The following KCTD5 variants were observed in gnomAD, a reference collection of about 807,000 sequenced individuals.
The protein encoded by KCTD5 is BTB/POZ domain-containing protein KCTD5.
KCTD5 carries 12 observed loss-of-function variants against 27.9 expected under a neutral mutation model. That is an observed-to-expected ratio of 0.43 (90% confidence interval 0.28 to 0.70). The LOEUF is 0.70. Ranked by LOEUF, KCTD5 falls within the 30% of genes least tolerant of loss-of-function variation. The pLI is 0.19. For missense variants in KCTD5, 226 were observed against 274.8 expected, an observed-to-expected ratio of 0.82 and a Z score of 1.26; for synonymous variants, 147 against 121.4, an observed-to-expected ratio of 1.21 and a Z score of -1.39.
intron 1 of KCTD5, among the ~76,000 whole-genome samples, chr16:2,688,035 C>T (rs1341238079): frequency 1.3e-5 from 2 of 151,716 alleles, no homozygotes; most frequent in East Asian, 3.9e-4. Flanking sequence ...GGGGTGATTT[C>T]GTGCCCCTGT....
At chr16:2,704,656 G>A (rs533193109) in intron 5 of KCTD5, among the ~76,000 whole-genome samples, 1 of 152,344 alleles carries the variant, frequency 6.6e-6, no homozygotes, top group South Asian at 2.1e-4. Flanking sequence ...CGGCTGAGGA[G>A]GGGGTTCCTT....
chr16:2,698,766 C>G (rs1253646812), intron 3 of KCTD5, among the ~76,000 whole-genome samples: 1 of 152,230 alleles, frequency 6.6e-6, no homozygotes, highest in African/African-American at 2.4e-5. Flanking sequence ...TTGCCCAGTT[C>G]CCCCTCCTGC....
chr16:2,685,273 A>G (rs1476600367), intron 1 of KCTD5, among the ~76,000 whole-genome samples: 1 of 151,100 alleles, frequency 6.6e-6, no homozygotes, highest in Non-Finnish European at 1.5e-5. Flanking sequence ...TAAAAATACA[A>G]AAAAATTAGC....
chr16:2,705,315 C>A (rs780475754), intron 5 of KCTD5, among the ~76,000 whole-genome samples: 1 of 152,170 alleles, frequency 6.6e-6, no homozygotes, highest in Non-Finnish European at 1.5e-5. Flanking sequence ...AGCTGTAGAT[C>A]CTCAGTAGCA....
chr16:2,687,403 G>C (rs770098354), intron 1 of KCTD5, among the ~76,000 whole-genome samples: 1 of 152,208 alleles, frequency 6.6e-6, no homozygotes, highest in Admixed American at 6.5e-5. Context: ...GTCGCTGCAG[G>C]GCAGTTCCTC....
In KCTD5 at chr16:2,706,717, A is replaced by G. The variant is rs542801365; in HGVS notation, c.676-581A>G. ...GTGGGCTCTGCAGGGCTGACGTGGT[A>G]CAGATGAGGAGGGGATCCCCGCAGC... On this transcript the variant is annotated intron_variant, in intron 5 of 5. Transcript: ENST00000301738. 7.9e-5 allele frequency among the ~76,000 whole-genome samples: 12 copies of G among 151,740 alleles called. 1 individual carries two copies. The South Asian group carries it at 2.3e-3, about 29-fold the overall frequency.
At chr16:2,693,038 C>T (rs1288993833) in intron 1 of KCTD5, among the ~76,000 whole-genome samples, 1 of 152,244 alleles carries the variant, frequency 6.6e-6, no homozygotes, top group Non-Finnish European at 1.5e-5. Context: ...CAGCCCCACG[C>T]AGATCCTCCT....
intron 5 of KCTD5, among the ~76,000 whole-genome samples, chr16:2,706,674 G>A (rs1308712975): frequency 6.6e-6 from 1 of 151,006 alleles, no homozygotes; most frequent in Admixed American, 6.6e-5. Flanking sequence ...GGTGGGGAGG[G>A]CAGGGGGCCG....
At chr16:2,702,230 G>A in intron 4 of KCTD5, 123 bp from the exon 5 acceptor site, 1 of 1,247,554 alleles carries the variant, frequency 8.0e-7, no homozygotes, top group African/African-American at 1.5e-5. Flanking sequence ...TCCATTTCCT[G>A]AAGCGTCGGC....
chr16:2,688,368 A>G (rs1181993566), intron 1 of KCTD5, among the ~76,000 whole-genome samples: 2 of 150,682 alleles, frequency 1.3e-5, no homozygotes, highest in Non-Finnish European at 3.0e-5. Context: ...CTCCTGCCCC[A>G]CCCTCCCAAG....
chr16:2,701,155 G>C (rs773659369), intron 4 of KCTD5, among the ~76,000 whole-genome samples: 8 of 152,228 alleles, frequency 5.3e-5, no homozygotes, highest in Non-Finnish European at 1.0e-4. Context: ...TCCTGCCCGT[G>C]GTGGGCACCT....
chr16:2,707,828 C>T lies in KCTD5; in HGVS notation c.*501C>T. On this transcript the variant is annotated 3_prime_UTR_variant, in exon 6 of 6. Transcript: ENST00000301738. ...GGCGGGATCGCTGGTTTCTCTCGAC[C>T]TCGCAGAGCTCCTGACAAAGGCGGC... is the stretch of plus-strand genomic sequence containing the variant. 1 of 220,192 alleles carries T rather than the reference C, an allele frequency of 4.5e-6. No homozygotes were observed. The highest frequency in any genetic ancestry group is 8.9e-6 in the Non-Finnish European group (1 of 112,320). The allele number at this position is 220,192 out of a possible 1,614,324, so 13.6% of individuals were successfully genotyped here.
chr16:2,692,653 C>A (rs980095021), intron 1 of KCTD5, among the ~76,000 whole-genome samples: 14 of 152,240 alleles, frequency 9.2e-5, no homozygotes, highest in South Asian at 2.1e-4. Context: ...CACTTTGGTC[C>A]CCGGGACTGG....
Position 2,682,713 on chromosome 16 carries a change from C to T in KCTD5, c.165C>T (p.Phe55=), listed in dbSNP as rs1471848068. The change falls in exon 1 of 6, where the codon TTC becomes TTT. Residue 55 remains phenylalanine (F), a synonymous_variant. Coordinates refer to ENST00000301738, the MANE Select transcript of KCTD5 (RefSeq NM_018992.4). The stretch of plus-strand genomic sequence containing the variant: ...GACTCAACGTCGGCGGCACCTACTT[C>T]CTCACCACTCGGCAGACCCTGTGCC... ...WVRLNVGGTY[F]LTTRQTLCRD... The T allele has an allele frequency of 1.9e-6, 3 of 1,610,460 alleles. No homozygotes were observed. The highest frequency in any genetic ancestry group is 2.2e-5 in the South Asian group (2 of 90,570).
intron 3 of KCTD5, chr16:2,699,384 C>T (rs1013069967): frequency 4.4e-5 from 16 of 359,916 alleles, no homozygotes; most frequent in African/African-American, 1.1e-4. Context: ...TCCAGGCTGC[C>T]GCGCAAGTTC....
At chr16:2,697,773 C>G (rs545312850) in intron 2 of KCTD5, 133 bp from the exon 3 acceptor site, 147 of 664,336 alleles carry the variant, frequency 2.2e-4, no homozygotes, top group Middle Eastern at 2.1e-3. Context: ...AGGTCGGGGC[C>G]TGAGCAGCTC....
At chr16:2,687,140 C>G (rs2067543138) in intron 1 of KCTD5, among the ~76,000 whole-genome samples, 1 of 152,224 alleles carries the variant, frequency 6.6e-6, no homozygotes, top group African/African-American at 2.4e-5. Flanking sequence ...CTGTGCTCAC[C>G]TCTTTATCAG....
intron 1 of KCTD5, chr16:2,685,464 G>A (rs1481058665): frequency 6.7e-6 from 1 of 150,200 alleles, no homozygotes; most frequent in African/African-American, 2.4e-5. Context: ...AACAATAATT[G>A]GAGTAAATAA....
At chr16:2,690,195 C>T (rs1259336209) in intron 1 of KCTD5, among the ~76,000 whole-genome samples, 1 of 152,236 alleles carries the variant, frequency 6.6e-6, no homozygotes, top group Non-Finnish European at 1.5e-5. Flanking sequence ...GCCCTGTGGA[C>T]CTGGGGAGTG....
Sources: allele counts gnomAD v4.1 joint callset (sites outside exome capture counted in the v4.1 genomes callset), GRCh38; gene constraint gnomAD v4.1.1; transcripts MANE v1.5; gene names NCBI Gene and HGNC (gene_info 2026-07-23, HGNC 2026-07-21).